UVRAG: variants seen among roughly 807,000 people sequenced by gnomAD.
UVRAG encodes UV radiation resistance-associated gene protein.
A neutral mutation model predicts 78.0 loss-of-function variants in UVRAG; 19 were observed. That is an observed-to-expected ratio of 0.24 (90% CI 0.17 to 0.36). The LOEUF (loss-of-function observed/expected upper bound fraction) is 0.36. UVRAG is among the 10% of genes least tolerant of loss of function. The probability of loss-of-function intolerance (pLI) is 1.00; values close to 1 mark genes in which losing one functional copy is unlikely to be tolerated. For missense variants in UVRAG, 740 were observed against 853.8 expected (o/e 0.87, Z 1.66); for synonymous variants, 323 against 324.6 (o/e 1.00, Z 0.05).
At chr11:76,103,538 T>G (rs1247492253) in intron 13 of UVRAG, among the ~76,000 whole-genome samples, 4 of 77,988 alleles carry the variant, frequency 5.1e-5, no homozygotes, top group Admixed American at 3.1e-4. Flanking sequence ...GCTGTTTTGG[T>G]TTTTTTTTTT....
intron 10 of UVRAG, among the ~76,000 whole-genome samples, chr11:76,008,244 T>C (rs1949987611): frequency 6.6e-6 from 1 of 152,130 alleles, no homozygotes; most frequent in Non-Finnish European, 1.5e-5. Flanking sequence ...CATGCAAATA[T>C]ATGTGCACTG....
intron 12 of UVRAG, among the ~76,000 whole-genome samples, chr11:76,035,422 A>G (rs1181611680): frequency 6.6e-6 from 1 of 152,202 alleles, no homozygotes; most frequent in Non-Finnish European, 1.5e-5. Context: ...AGTTTGGTTT[A>G]AAGAAATTTC....
At chr11:75,987,296 C>T (rs552192585) in intron 8 of UVRAG, among the ~76,000 whole-genome samples, 1 of 152,216 alleles carries the variant, frequency 6.6e-6, no homozygotes. Flanking sequence ...AGCCATCCTA[C>T]TGAATATAGC....
In UVRAG at chr11:75,961,427, A is replaced by G. The variant is rs533839539; in HGVS notation, c.594-17A>G. ...ACTGTTAACTCATTTACATTTTTCTATAACTTATATTTCTAGGCTTCATAG... is the reference window on the plus strand; with the variant it reads ...ACTGTTAACTCATTTACATTTTTCTGTAACTTATATTTCTAGGCTTCATAG... On this transcript the variant is annotated splice_polypyrimidine_tract_variant and intron_variant, in intron 6 of 14. Transcript: ENST00000356136. 1.3e-5 allele frequency: 20 copies of G among 1,572,686 alleles called. No homozygotes were observed. In the South Asian group the frequency reaches 1.3e-4, roughly 10 times the overall value.
At chr11:75,922,336 G>C (rs1225676939) in intron 6 of UVRAG, among the ~76,000 whole-genome samples, 1 of 151,804 alleles carries the variant, frequency 6.6e-6, no homozygotes, top group Non-Finnish European at 1.5e-5. Context: ...TTCCATTCTT[G>C]TGTGCTTACT....
chr11:75,825,981 C>T (rs189967833), intron 1 of UVRAG, among the ~76,000 whole-genome samples: 15 of 151,296 alleles, frequency 9.9e-5, no homozygotes, highest in East Asian at 5.9e-4. Context: ...GGATTACAGG[C>T]GCCTGCCAGC....
intron 13 of UVRAG, among the ~76,000 whole-genome samples, chr11:76,108,372 G>A (rs1460573639): frequency 6.6e-6 from 1 of 152,166 alleles, no homozygotes; most frequent in Admixed American, 6.6e-5. Flanking sequence ...CTTACTGGGT[G>A]CAAGAACACA....
chr11:76,007,512 G>A (rs1167763260), intron 9 of UVRAG, 22 bp from the exon 10 acceptor site: 2 of 1,555,650 alleles, frequency 1.3e-6, no homozygotes, highest in Non-Finnish European at 8.8e-7. Flanking sequence ...TTTAATAAAT[G>A]TATTTTTTCT....
intron 8 of UVRAG, among the ~76,000 whole-genome samples, chr11:75,993,386 C>T (rs1019383653): frequency 3.9e-5 from 6 of 152,136 alleles, no homozygotes; most frequent in African/African-American, 1.4e-4. Flanking sequence ...TGGTCTATGG[C>T]AACTTCCAGC....
At chr11:76,066,986 G>A (rs751127309) in intron 13 of UVRAG, among the ~76,000 whole-genome samples, 2 of 152,140 alleles carry the variant, frequency 1.3e-5, no homozygotes, top group Non-Finnish European at 2.9e-5. Flanking sequence ...TGAACCTAAC[G>A]ACTTGCTAAA....
At chr11:75,847,443 A>AT (rs1374081864) in intron 1 of UVRAG, among the ~76,000 whole-genome samples, 1 of 150,274 alleles carries the variant, frequency 6.7e-6, no homozygotes, top group Non-Finnish European at 1.5e-5. Context: ...ATTTATTTTT[A>AT]TTTTTTCTAG....
intron 6 of UVRAG, among the ~76,000 whole-genome samples, chr11:75,920,447 A>C (rs772001049): frequency 1.3e-5 from 2 of 152,200 alleles, no homozygotes; most frequent in South Asian, 2.1e-4. Context: ...GTATGTATAC[A>C]TACACATAAA....
intron 13 of UVRAG, among the ~76,000 whole-genome samples, chr11:76,081,082 A>G (rs565515788): frequency 1.3e-5 from 2 of 152,300 alleles, no homozygotes; most frequent in East Asian, 3.9e-4. Context: ...TTGTTTCCAG[A>G]TTCCCTTGCA....
At chr11:76,001,649 T>C (rs1447395412) in intron 8 of UVRAG, among the ~76,000 whole-genome samples, 3 of 152,186 alleles carry the variant, frequency 2.0e-5, no homozygotes, top group Non-Finnish European at 2.9e-5. Flanking sequence ...AAGATTATAA[T>C]GTAGTATTTT....
intron 8 of UVRAG, among the ~76,000 whole-genome samples, chr11:75,999,337 A>G (rs1404348836): frequency 1.3e-5 from 2 of 152,006 alleles, no homozygotes; most frequent in Admixed American, 1.3e-4. Context: ...AAAACTGGGA[A>G]AAGGAAGAAT....
intron 14 of UVRAG, among the ~76,000 whole-genome samples, chr11:76,124,244 A>G (rs984140787): frequency 1.3e-5 from 2 of 152,264 alleles, no homozygotes; most frequent in African/African-American, 4.8e-5. Context: ...GAATTTGACA[A>G]TTCATTAAGT....
At chr11:76,111,951 G>A (rs1952075772) in intron 13 of UVRAG, among the ~76,000 whole-genome samples, 1 of 149,830 alleles carries the variant, frequency 6.7e-6, no homozygotes, top group Non-Finnish European at 1.5e-5. Context: ...AATCCAGAGG[G>A]TAAAGTGAAA....
At chr11:75,941,149 A>G (rs556505998) in intron 6 of UVRAG, among the ~76,000 whole-genome samples, 1 of 152,282 alleles carries the variant, frequency 6.6e-6, no homozygotes, top group African/African-American at 2.4e-5. Flanking sequence ...GGAAGTAGTC[A>G]TTCATTGACT....
At chr11:76,039,868 T>G (rs1039566285) in intron 12 of UVRAG, among the ~76,000 whole-genome samples, 1 of 151,978 alleles carries the variant, frequency 6.6e-6, no homozygotes, top group Non-Finnish European at 1.5e-5. Context: ...AGAGCAAAAC[T>G]CTGCCTCAAA....
Sources: gnomAD v4.1 joint callset for allele counts (sites outside exome capture counted in the v4.1 genomes callset) on GRCh38, gnomAD v4.1.1 for gene constraint, MANE v1.5 for transcripts, NCBI Gene and HGNC (gene_info 2026-07-23, HGNC 2026-07-21) for gene names.